The following CNTNAP5 variants were observed in gnomAD, a reference collection of about 807,000 sequenced individuals.
CNTNAP5 encodes contactin-associated protein-like 5.
CNTNAP5 carries 72 observed loss-of-function variants against 150.2 expected under a neutral mutation model. The ratio of observed to expected loss-of-function variants is 0.48; its 90% confidence interval spans 0.40 to 0.58. The LOEUF (loss-of-function observed/expected upper bound fraction) is 0.58, where lower values mean the gene tolerates loss of function less well. Among genes scored for constraint, CNTNAP5 ranks in the 20% least tolerant of loss-of-function variants. The pLI, the probability that CNTNAP5 is intolerant of heterozygous loss-of-function variation, is 0.00. For missense variants in CNTNAP5, 1,636 were observed against 1,626.2 expected (o/e 1.01, Z -0.10); for synonymous variants, 672 against 619.8 (o/e 1.08, Z -1.25).
intron 19 of CNTNAP5, among the ~76,000 whole-genome samples, chr2:124,807,210 C>A (rs1458900143): frequency 1.3e-5 from 2 of 152,122 alleles, no homozygotes; most frequent in Admixed American, 1.3e-4. Context: ...ATCATTATTT[C>A]TCCTAATTCA....
At chr2:124,651,713 T>C (rs1265837306) in intron 13 of CNTNAP5, among the ~76,000 whole-genome samples, 1 of 152,174 alleles carries the variant, frequency 6.6e-6, no homozygotes, top group Non-Finnish European at 1.5e-5. Flanking sequence ...TAAATTTCCT[T>C]ATTGTGTAGG....
At chr2:124,431,081 T>A (rs7605769) in intron 4 of CNTNAP5, among the ~76,000 whole-genome samples, 1 of 151,882 alleles carries the variant, frequency 6.6e-6, no homozygotes, top group Non-Finnish European at 1.5e-5. Flanking sequence ...TAGTAAGGAG[T>A]AAAACCAGAA....
intron 3 of CNTNAP5, among the ~76,000 whole-genome samples, chr2:124,329,552 G>A (rs1174163689): frequency 6.6e-6 from 1 of 152,002 alleles, no homozygotes; most frequent in Non-Finnish European, 1.5e-5. Flanking sequence ...TTGGTATATT[G>A]TGCTCTGAGC....
intron 4 of CNTNAP5, among the ~76,000 whole-genome samples, chr2:124,419,152 A>AAAAAAAAAAAAAAAAAAAAAC (rs772412223): frequency 5.8e-5 from 7 of 120,996 alleles, no homozygotes; most frequent in South Asian, 2.8e-4. Flanking sequence ...AAAAAAAAAA[A>AAAAAAAAAAAAAAAAAAAAAC]AAAAAAAAAA....
intron 13 of CNTNAP5, among the ~76,000 whole-genome samples, chr2:124,700,918 A>C (rs1485602106): frequency 6.6e-6 from 1 of 152,116 alleles, no homozygotes; most frequent in Non-Finnish European, 1.5e-5. Flanking sequence ...ATACATTTGC[A>C]CCAACCTAAT....
intron 3 of CNTNAP5, among the ~76,000 whole-genome samples, chr2:124,341,202 T>A (rs1689606211): frequency 6.6e-6 from 1 of 152,086 alleles, no homozygotes; most frequent in African/African-American, 2.4e-5. Context: ...TTAAGACACT[T>A]GCATTTCTTC....
At chr2:124,653,890 A>G in intron 13 of CNTNAP5, among the ~76,000 whole-genome samples, 1 of 145,944 alleles carries the variant, frequency 6.9e-6, no homozygotes, top group African/African-American at 2.6e-5. Flanking sequence ...GGAAGACAGA[A>G]ACATGCCCCC....
chr2:124,628,221 A>G (rs543527231), intron 12 of CNTNAP5, among the ~76,000 whole-genome samples: 1 of 152,288 alleles, frequency 6.6e-6, no homozygotes, highest in East Asian at 1.9e-4. Flanking sequence ...GGGAACCCCA[A>G]TAAGATAATC....
intron 3 of CNTNAP5, among the ~76,000 whole-genome samples, chr2:124,335,803 C>T (rs1049740628): frequency 2.0e-5 from 3 of 151,850 alleles, no homozygotes; most frequent in Admixed American, 6.6e-5. Flanking sequence ...AAGTGGATCA[C>T]GATGATTGTG....
chr2:124,560,745 A>G (rs922031525), intron 10 of CNTNAP5, among the ~76,000 whole-genome samples: 1 of 152,100 alleles, frequency 6.6e-6, no homozygotes, highest in South Asian at 2.1e-4. Flanking sequence ...CACGGGTGCA[A>G]TGAAGTCTCA....
At chr2:124,198,865 CT>C (rs56176605) in intron 1 of CNTNAP5, among the ~76,000 whole-genome samples, 64,467 of 139,048 alleles carry the variant, frequency 0.46, 14,314 homozygotes, top group East Asian at 0.58. Context: ...CACATGATTT[CT>C]TTTTTTTTTT....
At chr2:124,680,318 C>T (rs1017356006) in intron 13 of CNTNAP5, among the ~76,000 whole-genome samples, 1 of 151,926 alleles carries the variant, frequency 6.6e-6, no homozygotes, top group African/African-American at 2.4e-5. Context: ...TCTGCAACCA[C>T]TTCTCAAAAC....
At chr2:124,511,483 C>T (rs545723715) in intron 8 of CNTNAP5, among the ~76,000 whole-genome samples, 43 of 152,322 alleles carry the variant, frequency 2.8e-4, no homozygotes, top group Non-Finnish European at 5.0e-4. Flanking sequence ...AGTGGTTGTG[C>T]GTCAGCCTAC....
At chr2:124,211,304 A>G (rs1054307056) in intron 1 of CNTNAP5, among the ~76,000 whole-genome samples, 1 of 152,146 alleles carries the variant, frequency 6.6e-6, no homozygotes, top group African/African-American at 2.4e-5. Context: ...AAATTCATCT[A>G]TTTATCTGCC....
intron 17 of CNTNAP5, among the ~76,000 whole-genome samples, chr2:124,785,662 T>C (rs1278100273): frequency 6.6e-6 from 1 of 152,138 alleles, no homozygotes; most frequent in Non-Finnish European, 1.5e-5. Context: ...CTGAAGTCAG[T>C]GCAGGAAGTG....
intron 1 of CNTNAP5, among the ~76,000 whole-genome samples, chr2:124,125,818 G>A (rs1410842735): frequency 2.6e-5 from 4 of 152,134 alleles, no homozygotes; most frequent in Non-Finnish European, 4.4e-5. Flanking sequence ...TGACTACTGG[G>A]TACATAACAA....
chr2:124,564,949 G>A (rs1695982147), intron 11 of CNTNAP5, among the ~76,000 whole-genome samples: 1 of 152,194 alleles, frequency 6.6e-6, no homozygotes, highest in African/African-American at 2.4e-5. Context: ...ATCGCTCAGG[G>A]ACAGTTCTCT....
intron 3 of CNTNAP5, among the ~76,000 whole-genome samples, chr2:124,266,041 G>A (rs1439695172): frequency 1.3e-5 from 2 of 152,082 alleles, no homozygotes; most frequent in Admixed American, 6.6e-5. Flanking sequence ...TATTAGCTCC[G>A]TGGCTTTGAG....
At chr2:124,229,915 G>A (rs116633836) in intron 2 of CNTNAP5, among the ~76,000 whole-genome samples, 3,519 of 151,948 alleles carry the variant, frequency 0.023, 137 homozygotes, top group African/African-American at 0.079. Context: ...TCCAAATAGA[G>A]TTTGGAAACC....
Sources: gnomAD v4.1 joint callset for allele counts (sites outside exome capture counted in the v4.1 genomes callset) on GRCh38, gnomAD v4.1.1 for gene constraint, MANE v1.5 for transcripts, NCBI Gene and HGNC (gene_info 2026-07-23, HGNC 2026-07-21) for gene names.